The following LRRC4C variants were observed in gnomAD, a reference collection of about 807,000 sequenced individuals.
The protein encoded by LRRC4C is leucine-rich repeat-containing protein 4C.
A neutral mutation model predicts 33.6 loss-of-function variants in LRRC4C; 5 were observed. The ratio of observed to expected loss-of-function variants is 0.15; its 90% confidence interval spans 0.08 to 0.31. The LOEUF (loss-of-function observed/expected upper bound fraction) is 0.31, where lower values mean the gene tolerates loss of function less well. LRRC4C is among the 10% of genes least tolerant of loss of function. The pLI, the probability that LRRC4C is intolerant of heterozygous loss-of-function variation, is 1.00. For synonymous variants in LRRC4C, 329 were observed against 302.0 expected, an observed-to-expected ratio of 1.09 and a Z score of -0.93; for missense variants, 560 against 796.7, an observed-to-expected ratio of 0.70 and a Z score of 3.58.
At chr11:41,173,196 G>C (rs184500874) in intron 1 of LRRC4C, among the ~76,000 whole-genome samples, 19 of 152,208 alleles carry the variant, frequency 1.2e-4, no homozygotes, top group Non-Finnish European at 1.9e-4. Context: ...TGTTGTAAAT[G>C]CAAATTAATT....
At chr11:40,870,248 T>C (rs1220413189) in intron 2 of LRRC4C, among the ~76,000 whole-genome samples, 1 of 152,160 alleles carries the variant, frequency 6.6e-6, no homozygotes, top group Non-Finnish European at 1.5e-5. Context: ...AATTCCAATC[T>C]CTCCTTTTAT....
chr11:40,706,904 T>C lies in LRRC4C; in HGVS notation c.-406-58626A>G, dbSNP rs138217570. On this transcript the variant is annotated intron_variant, in intron 2 of 6. Transcript: ENST00000528697. Reference sequence around the variant, plus strand: ...TATTTCATTGAACAGTGGTTTGTAGTTCTCCTTGAAGAGGTCCTTCACTTC... The same window carrying C: ...TATTTCATTGAACAGTGGTTTGTAGCTCTCCTTGAAGAGGTCCTTCACTTC... Among the ~76,000 whole-genome samples the C allele has an allele frequency of 4.3e-4, 66 of 152,306 alleles. No homozygotes were observed. In the East Asian group the frequency reaches 0.012, roughly 28 times the overall value.
intron 1 of LRRC4C, among the ~76,000 whole-genome samples, chr11:41,458,734 T>C (rs965698901): frequency 7.9e-5 from 12 of 151,982 alleles, no homozygotes; most frequent in African/African-American, 2.9e-4. Flanking sequence ...GGTAAGAGGA[T>C]GTTCCAAAAT....
At chr11:40,335,358 C>T (rs896143971) in intron 3 of LRRC4C, among the ~76,000 whole-genome samples, 1 of 152,094 alleles carries the variant, frequency 6.6e-6, no homozygotes, top group Non-Finnish European at 1.5e-5. Context: ...TCTATAAATC[C>T]TACACCTAAG....
chr11:41,365,197 G>A (rs1952492084), intron 1 of LRRC4C, among the ~76,000 whole-genome samples: 1 of 152,088 alleles, frequency 6.6e-6, no homozygotes, highest in Non-Finnish European at 1.5e-5. Flanking sequence ...GACATCAGAT[G>A]CTCATAGGAG....
chr11:40,822,530 T>C (rs889795125), intron 2 of LRRC4C, among the ~76,000 whole-genome samples: 8 of 151,766 alleles, frequency 5.3e-5, no homozygotes, highest in Admixed American at 1.3e-4. Flanking sequence ...TTATTTGTTT[T>C]TTAGCTATTG....
intron 3 of LRRC4C, among the ~76,000 whole-genome samples, chr11:40,323,826 A>G (rs998936514): frequency 6.6e-5 from 10 of 152,242 alleles, no homozygotes; most frequent in Non-Finnish European, 1.5e-4. Context: ...ATAATATGAC[A>G]TAGTCTATGA....
intron 3 of LRRC4C, among the ~76,000 whole-genome samples, chr11:40,327,962 A>G (rs1946177497): frequency 6.6e-6 from 1 of 152,132 alleles, no homozygotes. Context: ...TTTTTTAAAG[A>G]AAGGAATTAA....
In LRRC4C at chr11:40,493,668, A is replaced by C. The variant is rs555504496; in HGVS notation, c.-270+154474T>G. Among the ~76,000 whole-genome samples the C allele has an allele frequency of 2.0e-5, 3 of 152,332 alleles. No homozygotes were observed. The South Asian group carries it at 6.2e-4, about 32-fold the overall frequency. On this transcript the variant is annotated intron_variant, in intron 3 of 6. Transcript: ENST00000528697. ...TGATAAACTATTAAAACAAATAGTAACAACTATCTAATGTAAGTAGTGAAT... is the reference window on the plus strand; with the variant it reads ...TGATAAACTATTAAAACAAATAGTACCAACTATCTAATGTAAGTAGTGAAT...
At chr11:40,672,723 C>G (rs1450070212) in intron 2 of LRRC4C, among the ~76,000 whole-genome samples, 3 of 152,112 alleles carry the variant, frequency 2.0e-5, no homozygotes, top group East Asian at 1.9e-4. Flanking sequence ...TGGAAACAAG[C>G]TAACATCACA....
intron 3 of LRRC4C, among the ~76,000 whole-genome samples, chr11:40,533,124 T>C (rs1956338223): frequency 6.6e-6 from 1 of 152,126 alleles, no homozygotes; most frequent in African/African-American, 2.4e-5. Flanking sequence ...GGTGGGGACA[T>C]AGCAAAATCA....
intron 2 of LRRC4C, among the ~76,000 whole-genome samples, chr11:40,779,575 AGAC>A (rs1950138183): frequency 6.6e-6 from 1 of 152,214 alleles, no homozygotes. Context: ...GCTAATTAAA[AGAC>A]AGTTCAAATA....
At chr11:40,802,255 G>T (rs1951071440) in intron 2 of LRRC4C, among the ~76,000 whole-genome samples, 1 of 152,024 alleles carries the variant, frequency 6.6e-6, no homozygotes, top group Non-Finnish European at 1.5e-5. Context: ...ATCTTATGGG[G>T]TTGTTTTGAC....
At chr11:40,625,829 C>A (rs183230378) in intron 3 of LRRC4C, among the ~76,000 whole-genome samples, 11 of 152,076 alleles carry the variant, frequency 7.2e-5, no homozygotes, top group South Asian at 6.2e-4. Flanking sequence ...CTATAACAAA[C>A]CTTTTCCAAA....
intron 2 of LRRC4C, among the ~76,000 whole-genome samples, chr11:40,675,020 T>C (rs537998794): frequency 6.6e-6 from 1 of 152,322 alleles, no homozygotes; most frequent in South Asian, 2.1e-4. Flanking sequence ...CTCTGAAGCA[T>C]CAAAAAATTC....
chr11:41,339,017 G>A (rs910739028), intron 1 of LRRC4C, among the ~76,000 whole-genome samples: 3 of 152,084 alleles, frequency 2.0e-5, no homozygotes, highest in Admixed American at 1.3e-4. Context: ...AACAAATTGG[G>A]CTGTTAGGAA....
rs1951463748 is a variant in LRRC4C, at chr11:41,336,607, T to C, written c.-496+122824A>G. ...TCCACTTTTCATTCACCCTTCCTAC[T>C]GTGTAGCTATCAGAAGACTGAACAA... On this transcript the variant is annotated intron_variant, in intron 1 of 6. Coordinates refer to ENST00000528697, the MANE Select transcript of LRRC4C (RefSeq NM_001258419.2). Among the ~76,000 whole-genome samples, 6 of 152,322 alleles carry C rather than the reference T, an allele frequency of 3.9e-5. No individual in the cohort carries two copies. The South Asian group carries it at 1.2e-3, about 32-fold the overall frequency.
intron 3 of LRRC4C, among the ~76,000 whole-genome samples, chr11:40,333,569 T>C (rs1946455644): frequency 6.6e-6 from 1 of 151,714 alleles, no homozygotes; most frequent in South Asian, 2.1e-4. Flanking sequence ...ATACCAAAAC[T>C]AGCAGGGGGT....
intron 3 of LRRC4C, among the ~76,000 whole-genome samples, chr11:40,353,179 T>C (rs912193638): frequency 3.9e-5 from 6 of 152,138 alleles, no homozygotes; most frequent in Non-Finnish European, 7.3e-5. Flanking sequence ...CCAGTCTTTC[T>C]CTCTACTTAC....
Sources: allele counts gnomAD v4.1 joint callset (sites outside exome capture counted in the v4.1 genomes callset), GRCh38; gene constraint gnomAD v4.1.1; transcripts MANE v1.5; gene names NCBI Gene and HGNC (gene_info 2026-07-23, HGNC 2026-07-21).